RARB: variants seen among roughly 807,000 people sequenced by gnomAD.
RARB encodes HBV-activated protein.
RARB carries 17 observed loss-of-function variants against 51.9 expected under a neutral mutation model. The ratio of observed to expected loss-of-function variants is 0.33; its 90% confidence interval spans 0.22 to 0.49. The LOEUF (loss-of-function observed/expected upper bound fraction) is 0.49, where lower values mean the gene tolerates loss of function less well. RARB is among the 20% of genes least tolerant of loss of function. The pLI is 0.99. For synonymous variants in RARB, 215 were observed against 195.4 expected, an observed-to-expected ratio of 1.10 and a Z score of -0.84; for missense variants, 369 against 550.8, an observed-to-expected ratio of 0.67 and a Z score of 3.30.
intron 5 of RARB, among the ~76,000 whole-genome samples, chr3:25,264,121 T>G (rs77334568): frequency 7.1e-6 from 1 of 141,510 alleles, no homozygotes; most frequent in African/African-American, 2.7e-5. Flanking sequence ...ATTTTTTTTT[T>G]TAAAAAAAGG....
At chr3:24,900,694 G>A (rs1703585163) in intron 2 of RARB, among the ~76,000 whole-genome samples, 1 of 152,168 alleles carries the variant, frequency 6.6e-6, no homozygotes, top group African/African-American at 2.4e-5. Flanking sequence ...CTAAAGATGG[G>A]ATGAGACAGC....
At chr3:25,464,971 G>A (rs1427175706) in intron 2 of RARB, among the ~76,000 whole-genome samples, 3 of 151,888 alleles carry the variant, frequency 2.0e-5, no homozygotes, top group African/African-American at 4.8e-5. Flanking sequence ...ACTGATTAAG[G>A]TGCTTACAGT....
At chr3:24,900,753 C>T (rs1013957178) in intron 2 of RARB, among the ~76,000 whole-genome samples, 1 of 152,140 alleles carries the variant, frequency 6.6e-6, no homozygotes, top group Non-Finnish European at 1.5e-5. Context: ...TGTTGCTAAG[C>T]ATGTCTAATT....
intron 2 of RARB, among the ~76,000 whole-genome samples, chr3:25,484,533 G>A (rs1433509914): frequency 2.0e-5 from 3 of 151,878 alleles, no homozygotes; most frequent in African/African-American, 4.8e-5. Context: ...GCCTGTTTTT[G>A]TATGGCCAAG....
intron 5 of RARB, among the ~76,000 whole-genome samples, chr3:25,344,177 G>A (rs1307950806): frequency 6.6e-6 from 1 of 152,104 alleles, no homozygotes; most frequent in Non-Finnish European, 1.5e-5. Context: ...CTTCTTTCAT[G>A]CAATCTTATT....
At chr3:25,086,884 GA>G (rs1282385924) in intron 3 of RARB, among the ~76,000 whole-genome samples, 1 of 152,150 alleles carries the variant, frequency 6.6e-6, no homozygotes. Flanking sequence ...GCTTCAGAGA[GA>G]ATAGATTGTG....
intron 5 of RARB, among the ~76,000 whole-genome samples, chr3:25,233,361 ATT>A (rs1036247890): frequency 6.6e-6 from 1 of 151,478 alleles, no homozygotes; most frequent in African/African-American, 2.4e-5. Context: ...AAAACAAGTG[ATT>A]TTTTTTTATG....
At chr3:25,229,805 T>C (rs554880857) in intron 5 of RARB, among the ~76,000 whole-genome samples, 1 of 151,738 alleles carries the variant, frequency 6.6e-6, no homozygotes, top group South Asian at 2.1e-4. Flanking sequence ...GTGTTCCTTC[T>C]TAATGGCTTC....
intron 1 of RARB, among the ~76,000 whole-genome samples, chr3:25,443,622 T>A (rs1173188975): frequency 3.4e-5 from 5 of 145,560 alleles, no homozygotes; most frequent in Non-Finnish European, 4.5e-5. Flanking sequence ...AAAATATATA[T>A]AAAAAAAAAA....
At chr3:24,978,383 C>T (rs1696566620) in intron 2 of RARB, among the ~76,000 whole-genome samples, 2 of 152,070 alleles carry the variant, frequency 1.3e-5, no homozygotes, top group Non-Finnish European at 1.5e-5. Context: ...CTGTCTGGTC[C>T]TGTACTTTTT....
At chr3:25,020,079 A>C (rs1275158251) in intron 2 of RARB, 3 of 151,174 alleles carry the variant, frequency 2.0e-5, no homozygotes, top group African/African-American at 7.3e-5. Context: ...TCAGAATAAA[A>C]GGTACAGATG....
rs564760765 is a variant in RARB, at chr3:25,240,527, G to GT, written c.178+65958dup. Among the ~76,000 whole-genome samples, 427 of 152,082 alleles carry GT rather than the reference G, an allele frequency of 2.8e-3. 3 individuals are homozygous for GT. Among genetic ancestry groups the GT allele is most frequent in the African/African-American group, 9.6e-3 (399 of 41,488 alleles). ...TCCTTCTATGCCTAGTTTGTTGATA[G>GT]TTTTTTATCATGAAGCAATGTTGAA... On this transcript the variant is annotated intron_variant, in intron 5 of 11. Coordinates refer to the RARB transcript ENST00000383772.
At chr3:25,206,491 A>G (rs570514329) in intron 5 of RARB, among the ~76,000 whole-genome samples, 2 of 152,088 alleles carry the variant, frequency 1.3e-5, no homozygotes, top group Non-Finnish European at 2.9e-5. Flanking sequence ...TATAGTTCCA[A>G]CTCAGATCTA....
intron 5 of RARB, among the ~76,000 whole-genome samples, chr3:25,238,689 A>G (rs1290156655): frequency 6.6e-6 from 1 of 152,098 alleles, no homozygotes; most frequent in Non-Finnish European, 1.5e-5. Flanking sequence ...TGTCTTTTTA[A>G]TAATACCTGT....
At chr3:25,474,152 A>G (rs757297469) in intron 2 of RARB, among the ~76,000 whole-genome samples, 18 of 152,194 alleles carry the variant, frequency 1.2e-4, no homozygotes, top group Non-Finnish European at 2.1e-4. Flanking sequence ...TGAAAATAGC[A>G]GCAATTCTAA....
intron 3 of RARB, among the ~76,000 whole-genome samples, chr3:25,085,545 C>T (rs1243283478): frequency 1.3e-5 from 2 of 152,072 alleles, no homozygotes; most frequent in Admixed American, 1.3e-4. Context: ...TCTCATCTGG[C>T]CCCTGTCAAT....
chr3:24,898,995 A>G (rs1479213760), intron 2 of RARB, among the ~76,000 whole-genome samples: 1 of 151,878 alleles, frequency 6.6e-6, no homozygotes, highest in Non-Finnish European at 1.5e-5. Flanking sequence ...TGGCTTGAAA[A>G]CTCAAGTACT....
At chr3:25,052,931 G>A (rs916265215) in intron 2 of RARB, among the ~76,000 whole-genome samples, 2 of 152,104 alleles carry the variant, frequency 1.3e-5, no homozygotes, top group African/African-American at 4.8e-5. Context: ...GAGAAAGAAG[G>A]CAATTTGGCA....
intron 2 of RARB, among the ~76,000 whole-genome samples, chr3:24,906,839 C>T (rs866914673): frequency 8.5e-5 from 8 of 94,148 alleles, no homozygotes; most frequent in African/African-American, 2.0e-4. Flanking sequence ...AATGAGATTC[C>T]GTCTCAAAAA....
Sources: allele counts gnomAD v4.1 joint callset (sites outside exome capture counted in the v4.1 genomes callset), GRCh38; gene constraint gnomAD v4.1.1; transcripts MANE v1.5; gene names NCBI Gene and HGNC (gene_info 2026-07-23, HGNC 2026-07-21).